The following RBFOX1 variants were observed in gnomAD, a reference collection of about 807,000 sequenced individuals.
RBFOX1 encodes RNA binding protein fox-1 homolog 1.
RBFOX1 carries 8 observed loss-of-function variants against 57.7 expected under a neutral mutation model. The ratio of observed to expected loss-of-function variants is 0.14; its 90% CI spans 0.08 to 0.25. The LOEUF (loss-of-function observed/expected upper bound fraction) is 0.25, where lower values mean the gene tolerates loss of function less well. Ranked by LOEUF, RBFOX1 falls within the 10% of genes least tolerant of loss-of-function variation. The probability of loss-of-function intolerance (pLI) is 1.00; values close to 1 mark genes in which losing one functional copy is unlikely to be tolerated. For synonymous variants in RBFOX1, 326 were observed against 222.4 expected, an observed-to-expected ratio of 1.47 and a Z score of -4.15; for missense variants, 611 against 548.5, an observed-to-expected ratio of 1.11 and a Z score of -1.14.
At chr16:5,724,776 G>T (rs189755831) in intron 3 of RBFOX1, among the ~76,000 whole-genome samples, 1 of 151,278 alleles carries the variant, frequency 6.6e-6, no homozygotes, top group East Asian at 2.0e-4. Context: ...CATACTGGGT[G>T]CTTATATTCT....
intron 3 of RBFOX1, among the ~76,000 whole-genome samples, chr16:6,993,983 G>T (rs1345501824): frequency 2.0e-5 from 3 of 152,292 alleles, no homozygotes; most frequent in Non-Finnish European, 4.4e-5. Context: ...AGGGGTGGAG[G>T]TGGCTTTAGA....
chr16:7,217,997 C>T (rs78001411), intron 4 of RBFOX1, among the ~76,000 whole-genome samples: 10,695 of 150,622 alleles, frequency 0.071, 513 homozygotes, highest in Non-Finnish European at 0.095. Flanking sequence ...CATGTGTGCA[C>T]GTGCATGTGT....
intron 4 of RBFOX1, among the ~76,000 whole-genome samples, chr16:7,298,040 A>G (rs1252298163): frequency 6.6e-6 from 1 of 152,122 alleles, no homozygotes; most frequent in African/African-American, 2.4e-5. Context: ...GATTTTTCAC[A>G]TGTGAAATTT....
chr16:7,470,383 G>A (rs1263042785), intron 4 of RBFOX1, among the ~76,000 whole-genome samples: 2 of 152,188 alleles, frequency 1.3e-5, no homozygotes, highest in African/African-American at 4.8e-5. Context: ...AGTGATTGTA[G>A]GAGGAATGAA....
At chr16:7,271,350 T>G (rs1225627369) in intron 4 of RBFOX1, among the ~76,000 whole-genome samples, 1 of 151,840 alleles carries the variant, frequency 6.6e-6, no homozygotes, top group Non-Finnish European at 1.5e-5. Flanking sequence ...TGTTATTTCT[T>G]GGGGGGAGCT....
intron 4 of RBFOX1, among the ~76,000 whole-genome samples, chr16:7,104,948 T>G (rs1320980095): frequency 6.7e-6 from 1 of 149,242 alleles, no homozygotes; most frequent in African/African-American, 2.6e-5. Flanking sequence ...CTTGTGTGTG[T>G]GTGCACGTGC....
intron 3 of RBFOX1, among the ~76,000 whole-genome samples, chr16:5,806,183 C>T (rs2055221086): frequency 6.6e-6 from 1 of 152,166 alleles, no homozygotes; most frequent in Non-Finnish European, 1.5e-5. Context: ...TCACCAGCCA[C>T]TGGAGGGAGG....
intron 2 of RBFOX1, among the ~76,000 whole-genome samples, chr16:5,508,128 C>A (rs1438757096): frequency 6.6e-6 from 1 of 152,192 alleles, no homozygotes; most frequent in African/African-American, 2.4e-5. Context: ...AACTTGGCAG[C>A]CTAATACAAC....
rs74004669 is a variant in RBFOX1, at chr16:5,881,921, A to C, written c.351+14586A>C. On this transcript the variant is annotated intron_variant, in intron 4 of 19. Transcript: ENST00000641259. Reference sequence around the variant, plus strand: ...AAATAATAATAATTACTTCAGTAGCAGTGGTAGCAGCAGCAGTAATAGTAG... The same window carrying C: ...AAATAATAATAATTACTTCAGTAGCCGTGGTAGCAGCAGCAGTAATAGTAG... Among the ~76,000 whole-genome samples, 766 of 152,362 alleles carry C rather than the reference A, an allele frequency of 5.0e-3. 7 individuals carry two copies. Among genetic ancestry groups the C allele is most frequent in the African/African-American group, 0.017 (706 of 41,582 alleles).
chr16:6,540,391 G>T (rs980011435), intron 2 of RBFOX1, among the ~76,000 whole-genome samples: 1 of 151,664 alleles, frequency 6.6e-6, no homozygotes, highest in Non-Finnish European at 1.5e-5. Context: ...AGCTGGGTGG[G>T]TTACAAGGTC....
chr16:5,917,150 G>T (rs1035494912), intron 4 of RBFOX1, among the ~76,000 whole-genome samples: 1 of 152,040 alleles, frequency 6.6e-6, no homozygotes, highest in Non-Finnish European at 1.5e-5. Context: ...TTAGACAACC[G>T]CTTCCTAAGC....
At chr16:5,976,874 G>A (rs1053741804) in intron 4 of RBFOX1, among the ~76,000 whole-genome samples, 6 of 152,096 alleles carry the variant, frequency 3.9e-5, no homozygotes, top group Admixed American at 3.9e-4. Flanking sequence ...GTCAATCAAT[G>A]TATCAATAAG....
At chr16:7,265,599 C>G (rs920993245) in intron 4 of RBFOX1, among the ~76,000 whole-genome samples, 2 of 152,116 alleles carry the variant, frequency 1.3e-5, no homozygotes, top group Non-Finnish European at 2.9e-5. Flanking sequence ...CAGGCACCCA[C>G]CACCACGCCT....
intron 4 of RBFOX1, among the ~76,000 whole-genome samples, chr16:5,928,510 A>G (rs186528521): frequency 5.9e-5 from 9 of 152,272 alleles, no homozygotes; most frequent in East Asian, 3.9e-4. Context: ...GTTGTACCCC[A>G]TAAACATATA....
At chr16:7,349,470 C>T (rs549786055) in intron 4 of RBFOX1, among the ~76,000 whole-genome samples, 3 of 152,116 alleles carry the variant, frequency 2.0e-5, no homozygotes, top group Non-Finnish European at 4.4e-5. Context: ...TTGCCAATGG[C>T]ATTAGGATGA....
chr16:5,966,678 T>C (rs1486009741), intron 4 of RBFOX1, among the ~76,000 whole-genome samples: 1 of 152,110 alleles, frequency 6.6e-6, no homozygotes, highest in East Asian at 1.9e-4. Flanking sequence ...CCAAAATCTT[T>C]TGACAACTCG....
chr16:7,067,655 A>C (rs1178275324), intron 4 of RBFOX1, among the ~76,000 whole-genome samples: 2 of 151,370 alleles, frequency 1.3e-5, no homozygotes, highest in Non-Finnish European at 2.9e-5. Flanking sequence ...ATTTAGCATT[A>C]GGTATATCTC....
intron 4 of RBFOX1, among the ~76,000 whole-genome samples, chr16:7,322,581 A>G (rs553174670): frequency 4.6e-5 from 7 of 152,218 alleles, no homozygotes; most frequent in African/African-American, 1.7e-4. Flanking sequence ...AGAGCCATCA[A>G]CTCTCTACAA....
In RBFOX1 at chr16:6,731,647, C is replaced by A. The variant is rs537168530; in HGVS notation, c.-16+76997C>A. Among the ~76,000 whole-genome samples, 3 of 152,212 alleles carry A rather than the reference C, an allele frequency of 2.0e-5. No homozygotes were observed. In the East Asian group the frequency reaches 5.8e-4, roughly 30 times the overall value. ...GCTGGAGTGTAAACACCCCAGCTCC[C>A]TCACTCCATGGGTAGGATAATGCTG... On this transcript the variant is annotated intron_variant, in intron 3 of 15. Transcript: ENST00000550418.
Sources: allele counts gnomAD v4.1 joint callset (sites outside exome capture counted in the v4.1 genomes callset), GRCh38; gene constraint gnomAD v4.1.1; transcripts MANE v1.5; gene names NCBI Gene and HGNC (gene_info 2026-07-23, HGNC 2026-07-21).